TAF1D: variants seen among roughly 807,000 people sequenced by gnomAD.
TAF1D encodes TATA-box binding protein associated factor, RNA polymerase I subunit D.
TAF1D carries 23 observed loss-of-function variants against 26.2 expected under a neutral mutation model. The observed-to-expected ratio is 0.88, with a 90% confidence interval of 0.63 to 1.25. TAF1D has a LOEUF of 1.25. Ranked by LOEUF, TAF1D falls within the 50% of genes most tolerant of loss-of-function variation. TAF1D has a pLI of 0.00. For synonymous variants in TAF1D, 100 were observed against 105.6 expected (o/e 0.95, Z 0.33); for missense variants, 299 against 322.0 (o/e 0.93, Z 0.55).
At chr11:93,730,517 A>G (rs376563717) in exon 12 of TAF1D, 12 of 704,344 alleles carry the variant, frequency 1.7e-5, no homozygotes, top group Middle Eastern at 3.3e-4. Context: ...ATTACGTTTT[A>G]TATCTCCTCA....
At chr11:93,734,973 AGGCTG>A, downstream of TAF1D, 1 of 1,115,698 alleles carries the variant, frequency 9.0e-7, no homozygotes, top group Non-Finnish European at 1.2e-6. Flanking sequence ...TTTCTTGCCT[AGGCTG>A]GTCTTGAACT....
At chr11:93,739,695 CA>C (rs1455134443) in intron 1 of TAF1D, among the ~76,000 whole-genome samples, 1 of 152,062 alleles carries the variant, frequency 6.6e-6, no homozygotes, top group Non-Finnish European at 1.5e-5. Context: ...TTTCCAAGAT[CA>C]AAGGGGGAAT....
rs1940597380 is a variant in TAF1D, at chr11:93,735,617, AAGAC to A, written c.*540_*543del. The A allele has an allele frequency of 1.1e-6, 1 of 901,928 alleles. No homozygotes were observed. Among genetic ancestry groups the A allele is most frequent in the African/African-American group, 1.8e-5 (1 of 55,294 alleles). 55.9% of individuals were successfully genotyped at this position (901,928 alleles called of 1,614,324 possible). A position where few individuals can be genotyped will look rare whatever the true frequency, so the allele number is the denominator to read the frequency against. On this transcript the variant is annotated 3_prime_UTR_variant, in exon 6 of 6. Coordinates refer to ENST00000448108, the MANE Select transcript of TAF1D (RefSeq NM_024116.4). Reference sequence around the variant, plus strand: ...CGGGAGATGGAGGTTGCAGTAAGCCAAGACTGCGGCCATTGCACTACAGCCTGGG... The same window carrying A: ...CGGGAGATGGAGGTTGCAGTAAGCCATGCGGCCATTGCACTACAGCCTGGG...
intron 2 of TAF1D, among the ~76,000 whole-genome samples, 175 bp from the exon 3 acceptor site, chr11:93,738,674 TTAAA>T (rs571186191): frequency 1.5e-3 from 234 of 152,272 alleles, no homozygotes; most frequent in Non-Finnish European, 2.4e-3. Context: ...ATCATCCTAT[TTAAA>T]TAGCCCATAA....
rs955912049 is a variant in TAF1D, at chr11:93,735,656, G to T, written c.*505C>A. ...TGCACTACAGCCTGGGTGACAGATCGAGACTCTGTCTAAAAAAAATAGTAT... is the reference window on the plus strand; with the variant it reads ...TGCACTACAGCCTGGGTGACAGATCTAGACTCTGTCTAAAAAAAATAGTAT... On this transcript the variant is annotated 3_prime_UTR_variant, in exon 6 of 6. Coordinates refer to ENST00000448108, the MANE Select transcript of TAF1D (RefSeq NM_024116.4). 8 of 985,670 alleles carry T rather than the reference G, an allele frequency of 8.1e-6. No homozygotes were observed. In the African/African-American group the frequency reaches 1.2e-4, roughly 15 times the overall value. 61.1% of individuals were successfully genotyped at this position (985,670 alleles called of 1,614,324 possible).
In TAF1D at chr11:93,737,131, CT is replaced by C; in HGVS notation, c.567del (p.Asp190IlefsTer47). On this transcript the variant is annotated frameshift_variant, in exon 4 of 6. Transcript: ENST00000448108. LOFTEE classifies it high-confidence loss of function. ...QMNVGEDLENEDFDSRRYKFL... is the reference protein window; with the variant it reads ...QMNVGEDLENXDFDSRRYKFL... ...AATTTGTATCTACGACTGTCAAAAT[CT>C]TCATTTTCTAAATCTTCACCAACAT... 6.2e-7 allele frequency: 1 copy of C among 1,612,096 alleles called. No individual in the cohort carries two copies. The highest frequency in any genetic ancestry group is 8.5e-7 in the Non-Finnish European group (1 of 1,179,158).
Position 93,737,080 on chromosome 11 carries a change from G to A in TAF1D, c.619C>T (p.Pro207Ser). 1 of 1,602,202 alleles carries A rather than the reference G, an allele frequency of 6.2e-7. No individual in the cohort carries two copies. Among genetic ancestry groups the A allele is most frequent in the Non-Finnish European group, 8.5e-7 (1 of 1,175,408 alleles). ...TCCACTTACGTTGACTCCTCAATAG[G>A]AGAAATGGATCCATCATCATCCAAA... Reference protein sequence around the residue: ...KFLDDDGSISPIEESTAEDED... With the variant: ...KFLDDDGSISSIEESTAEDED... Residue 207 changes from proline (P) to serine (S), a missense_variant, in exon 4 of 6, where the codon CCT becomes TCT. By Grantham distance (74) the Pro-to-Ser change is moderately conservative (BLOSUM62 -1). Coordinates refer to ENST00000448108, the MANE Select transcript of TAF1D (RefSeq NM_024116.4).
At position 93,735,594 on chromosome 11, in the gene TAF1D, G is replaced by A. The variant is rs1940593651; in HGVS notation, c.*567C>T. 1 of 722,196 alleles carries A rather than the reference G, an allele frequency of 1.4e-6. No individual in the cohort carries two copies. The highest frequency in any genetic ancestry group is 1.9e-5 in the African/African-American group (1 of 51,876). 44.7% of individuals were successfully genotyped at this position (722,196 alleles called of 1,614,324 possible). The stretch of plus-strand genomic sequence containing the variant: ...GCTGAGGCAGAATCGCTTGAACCCG[G>A]GAGATGGAGGTTGCAGTAAGCCAAG... On this transcript the variant is annotated 3_prime_UTR_variant, in exon 6 of 6. Transcript: ENST00000448108.
Position 93,736,727 on chromosome 11 carries a change from A to T in TAF1D, c.660T>A (p.His220Gln), listed in dbSNP as rs1027637210. The change falls in exon 5 of 6, where the codon CAT becomes CAA. Residue 220 changes from histidine (H) to glutamine (Q), a missense_variant. His to Gln is a conservative substitution (Grantham distance 24). Coordinates refer to ENST00000448108, the MANE Select transcript of TAF1D (RefSeq NM_024116.4). ...TGATATCACATTCGTTATCTTCAAG[A>T]TGTGTTGCATCCTCATCCTCTGCTC... ...ESTAEDEDATHLEDNECDIKL... is the reference protein window; with the variant it reads ...ESTAEDEDATQLEDNECDIKL... 2.5e-6 allele frequency: 4 copies of T among 1,611,302 alleles called. No individual in the cohort carries two copies. The highest frequency in any genetic ancestry group is 3.4e-6 in the Non-Finnish European group (4 of 1,179,266).
chr11:93,740,795 T>A (rs968227527), intron 1 of TAF1D, among the ~76,000 whole-genome samples: 1 of 152,072 alleles, frequency 6.6e-6, no homozygotes, highest in African/African-American at 2.4e-5. Flanking sequence ...CTGTAGTTAA[T>A]TTTTTTTAAA....
downstream of TAF1D, chr11:93,732,172 A>G (rs1239651224): frequency 2.0e-6 from 1 of 510,768 alleles, no homozygotes; most frequent in Non-Finnish European, 3.9e-6. Context: ...TATTTGTACG[A>G]AGTTCTTGTT....
rs554467119 is a variant in TAF1D at position 93,736,253 on chromosome 11, A to C, written c.745T>G (p.Leu249Val). The change falls in exon 6 of 6, where the codon TTA becomes GTA. Residue 249 changes from leucine to valine, a missense_variant. By Grantham distance (32) the Leu-to-Val change is conservative (BLOSUM62 1). Coordinates refer to ENST00000448108, the MANE Select transcript of TAF1D (RefSeq NM_024116.4). ...SEFPVRLSVY[L>V]EEEDITEEAA... The stretch of plus-strand genomic sequence containing the variant: ...TCTTCAGTAATATCCTCTTCTTCTA[A>C]GTATACACTCAGTCTTACAGGGAAT... 1 of 1,613,352 alleles carries C rather than the reference A, an allele frequency of 6.2e-7. No homozygotes were observed. The highest frequency in any genetic ancestry group is 1.7e-4 in the Middle Eastern group (1 of 6,058).
chr11:93,739,391 TAC>T (rs1371132888), intron 1 of TAF1D, 60 bp from the exon 2 acceptor site: 2 of 1,162,276 alleles, frequency 1.7e-6, no homozygotes, highest in African/African-American at 3.1e-5. Context: ...CAGTATCTAC[TAC>T]AGTGTTGAAC....
chr11:93,735,544 G>T, downstream of TAF1D: 1 of 463,720 alleles, frequency 2.2e-6, no homozygotes, highest in Non-Finnish European at 2.9e-6. Context: ...GCTGGCTAAC[G>T]CCTGTAATCC....
intron 5 of TAF1D, 32 bp from the exon 6 acceptor site, chr11:93,736,336 A>C (rs773726521): frequency 1.3e-6 from 2 of 1,576,968 alleles, no homozygotes; most frequent in Non-Finnish European, 1.7e-6. Context: ...TCATGGATTA[A>C]GCAATAACTC....
Position 93,738,237 on chromosome 11 carries a change from C to T in TAF1D, c.331G>A (p.Gly111Arg). Reference sequence around the variant, plus strand: ...AGTGAGTATATAGGATTTCTCCTTCCTTCTGGTCTTCCCCGTGGTCTTCCT... The same window carrying T: ...AGTGAGTATATAGGATTTCTCCTTCTTTCTGGTCTTCCCCGTGGTCTTCCT... ...PTGRPRGRPE[G>R]RRNPIYSLID... The change falls in exon 3 of 6, where the codon GGA (glycine) becomes AGA (arginine). Residue 111 changes from glycine (G) to arginine (R), a missense_variant. By Grantham distance (125) the Gly-to-Arg change is moderately radical. Transcript: ENST00000448108. 6.2e-7 allele frequency: 1 copy of T among 1,613,110 alleles called. No homozygotes were observed. The highest frequency in any genetic ancestry group is 1.3e-5 in the African/African-American group (1 of 74,914).
downstream of TAF1D, chr11:93,735,134 A>T: frequency 7.4e-7 from 1 of 1,350,032 alleles, no homozygotes; most frequent in Non-Finnish European, 9.8e-7. Flanking sequence ...ATATGTATCA[A>T]AACTCATACT....
Position 93,737,074 on chromosome 11 carries a change from C to G in TAF1D, c.625G>C (p.Glu209Gln), listed in dbSNP as rs753609487. 6.2e-6 allele frequency: 10 copies of G among 1,600,558 alleles called. No homozygotes were observed. Among genetic ancestry groups the G allele is most frequent in the Non-Finnish European group, 8.5e-6 (10 of 1,174,912 alleles). ...LDDDGSISPI[E>Q]ESTAEDEDAT... ...TATGATTCCACTTACGTTGACTCCT[C>G]AATAGGAGAAATGGATCCATCATCA... Residue 209 changes from glutamate to glutamine, a missense_variant, in exon 4 of 6, where the codon GAG (glutamate) becomes CAG (glutamine). By Grantham distance (29) the Glu-to-Gln change is conservative. Transcript: ENST00000448108.
downstream of TAF1D, chr11:93,732,540 A>G (rs377586753): frequency 1.7e-3 from 796 of 458,094 alleles, 5 homozygotes; most frequent in African/African-American, 0.015. Context: ...CAAATTTGCA[A>G]TATTGCTGAG....
Sources: allele counts gnomAD v4.1 joint callset (sites outside exome capture counted in the v4.1 genomes callset), GRCh38; gene constraint gnomAD v4.1.1; transcripts MANE v1.5; gene names NCBI Gene and HGNC (gene_info 2026-07-23, HGNC 2026-07-21).